Variants in ELMO1 observed in about 807,000 individuals in gnomAD.
ELMO1 encodes engulfment and cell motility protein 1.
Under a neutral mutation model 98.9 loss-of-function variants are expected in ELMO1, and 26 were observed. That is an observed-to-expected ratio of 0.26 (90% CI 0.19 to 0.36). The LOEUF is 0.36. Among genes scored for constraint, ELMO1 ranks in the 10% least tolerant of loss-of-function variants. The pLI is 1.00. For synonymous variants in ELMO1, 346 were observed against 346.0 expected, an observed-to-expected ratio of 1.00 and a Z score of 0.00; for missense variants, 627 against 935.2, an observed-to-expected ratio of 0.67 and a Z score of 4.30.
intron 2 of ELMO1, among the ~76,000 whole-genome samples, chr7:37,326,125 C>T (rs774653704): frequency 2.0e-5 from 3 of 152,194 alleles, no homozygotes; most frequent in Non-Finnish European, 2.9e-5. Flanking sequence ...TCAGCTGGTT[C>T]TTGGAAAGCA....
chr7:37,246,490 C>A (rs530350399), intron 6 of ELMO1, among the ~76,000 whole-genome samples: 36 of 152,188 alleles, frequency 2.4e-4, no homozygotes, highest in Middle Eastern at 6.8e-3. Context: ...CAAAGAGATA[C>A]CATGTGCCAT....
chr7:37,314,944 T>C, intron 3 of ELMO1, 22 bp from the exon 4 acceptor site: 2 of 1,594,638 alleles, frequency 1.3e-6, no homozygotes, highest in African/African-American at 1.3e-5. Context: ...AAGCGTATAC[T>C]GATTAGAAAA....
chr7:37,040,769 G>T (rs149549488), intron 15 of ELMO1, among the ~76,000 whole-genome samples: 2 of 152,074 alleles, frequency 1.3e-5, no homozygotes, highest in African/African-American at 4.8e-5. Context: ...TATTATTAGC[G>T]TTCTAGCACT....
At chr7:37,063,787 G>T (rs1796796682) in intron 15 of ELMO1, among the ~76,000 whole-genome samples, 2 of 152,024 alleles carry the variant, frequency 1.3e-5, no homozygotes, top group Admixed American at 1.3e-4. Flanking sequence ...TCAGCACATT[G>T]CAACACTCAA....
At chr7:36,904,640 T>C (rs1048862547) in intron 16 of ELMO1, among the ~76,000 whole-genome samples, 2 of 152,140 alleles carry the variant, frequency 1.3e-5, no homozygotes, top group African/African-American at 4.8e-5. Flanking sequence ...TGGGTAAAAA[T>C]AAATAAGCAA....
intron 13 of ELMO1, among the ~76,000 whole-genome samples, chr7:37,164,046 A>T (rs1196300731): frequency 1.3e-5 from 2 of 152,156 alleles, no homozygotes; most frequent in African/African-American, 4.8e-5. Context: ...GGTGTGAGAT[A>T]ATATCCCATT....
At chr7:36,961,740 C>T (rs1210910935) in intron 16 of ELMO1, among the ~76,000 whole-genome samples, 1 of 151,970 alleles carries the variant, frequency 6.6e-6, no homozygotes, top group Admixed American at 6.6e-5. Context: ...AAAATTTAAA[C>T]ATTCTACTTG....
chr7:36,923,985 T>C (rs1168500248), intron 16 of ELMO1, among the ~76,000 whole-genome samples: 3 of 152,132 alleles, frequency 2.0e-5, no homozygotes, highest in Admixed American at 6.5e-5. Context: ...GAGGCAATTA[T>C]GGGCAATTAC....
At chr7:37,448,412 C>T (rs974716295) in intron 1 of ELMO1, among the ~76,000 whole-genome samples, 1 of 152,078 alleles carries the variant, frequency 6.6e-6, no homozygotes, top group African/African-American at 2.4e-5. Flanking sequence ...CCTCCGCTCC[C>T]ACTCCCACTC....
rs200957141 is a variant in ELMO1, at chr7:37,121,354, C to G, written c.1191+11776G>C. 6.6e-5 allele frequency among the ~76,000 whole-genome samples: 10 copies of G among 152,242 alleles called. No individual in the cohort carries two copies. In the East Asian group the frequency reaches 1.7e-3, roughly 26 times the overall value. The stretch of plus-strand genomic sequence containing the variant: ...GCTAAAGGATGAAGGTCGAACCCAT[C>G]GCAAAGAAGTTAAAAACCTCAAAAA... On this transcript the variant is annotated intron_variant, in intron 14 of 21. Coordinates refer to ENST00000310758, the MANE Select transcript of ELMO1 (RefSeq NM_014800.11).
chr7:37,252,954 C>T (rs1029717559), intron 6 of ELMO1, among the ~76,000 whole-genome samples: 4 of 152,088 alleles, frequency 2.6e-5, no homozygotes, highest in Admixed American at 6.5e-5. Flanking sequence ...GACATTTATG[C>T]GGCCAACAAA....
chr7:37,087,450 TA>T (rs1305005587), intron 15 of ELMO1, among the ~76,000 whole-genome samples: 2 of 152,110 alleles, frequency 1.3e-5, no homozygotes, highest in Non-Finnish European at 2.9e-5. Flanking sequence ...TTTTTTTTTT[TA>T]ATGATAAGAG....
intron 1 of ELMO1, among the ~76,000 whole-genome samples, chr7:37,383,502 A>G (rs1802661649): frequency 6.6e-6 from 1 of 152,238 alleles, no homozygotes; most frequent in African/African-American, 2.4e-5. Context: ...TGAGTTAATG[A>G]AATTTTACTT....
At chr7:37,383,325 A>G (rs1011043114) in intron 1 of ELMO1, among the ~76,000 whole-genome samples, 1 of 152,212 alleles carries the variant, frequency 6.6e-6, no homozygotes, top group African/African-American at 2.4e-5. Flanking sequence ...TACAGAAAAA[A>G]TCACAAAAGT....
At chr7:36,985,205 G>C in intron 16 of ELMO1, 1 of 773,540 alleles carries the variant, frequency 1.3e-6, no homozygotes, top group Non-Finnish European at 1.6e-6. Flanking sequence ...GCCAATCCTT[G>C]AATATAACTT....
intron 1 of ELMO1, among the ~76,000 whole-genome samples, chr7:37,377,364 C>T (rs1236123248): frequency 6.6e-6 from 1 of 151,834 alleles, no homozygotes; most frequent in Non-Finnish European, 1.5e-5. Flanking sequence ...TCGGGGTAGC[C>T]AAAGTGAAAA....
At chr7:36,951,480 C>T (rs1350493767) in intron 16 of ELMO1, among the ~76,000 whole-genome samples, 42 of 152,226 alleles carry the variant, frequency 2.8e-4, no homozygotes, top group Non-Finnish European at 1.2e-4. Flanking sequence ...CTTCCCATCA[C>T]GTAGCCTTAA....
chr7:37,443,165 A>G (rs1805477794), intron 1 of ELMO1, among the ~76,000 whole-genome samples: 1 of 152,158 alleles, frequency 6.6e-6, no homozygotes, highest in Non-Finnish European at 1.5e-5. Flanking sequence ...CCTGATTTTC[A>G]TTCCCTCAAA....
intron 16 of ELMO1, among the ~76,000 whole-genome samples, chr7:36,935,435 C>A (rs1286427214): frequency 6.6e-6 from 1 of 152,158 alleles, no homozygotes; most frequent in African/African-American, 2.4e-5. Flanking sequence ...CTCTACTGGC[C>A]TAATTGCAAA....
Sources: gnomAD v4.1 joint callset for allele counts (sites outside exome capture counted in the v4.1 genomes callset) on GRCh38, gnomAD v4.1.1 for gene constraint, MANE v1.5 for transcripts, NCBI Gene and HGNC (gene_info 2026-07-23, HGNC 2026-07-21) for gene names.